The following FCAR variants were observed in gnomAD, a reference collection of about 807,000 sequenced individuals.
FCAR encodes Fc alpha receptor, also known as immunoglobulin alpha Fc receptor.
Under a neutral mutation model 27.1 loss-of-function variants are expected in FCAR, and 21 were observed. That is an observed-to-expected ratio of 0.77 (90% CI 0.55 to 1.11). FCAR has a LOEUF of 1.11. Among genes scored for constraint, FCAR ranks in the 50% most tolerant of loss-of-function variants. The pLI is 0.00. For missense variants in FCAR, 404 were observed against 358.4 expected, an observed-to-expected ratio of 1.13 and a Z score of -1.03; for synonymous variants, 134 against 135.8, an observed-to-expected ratio of 0.99 and a Z score of 0.09.
chr19:54,876,088 G>A (rs964782800), intron 2 of FCAR, among the ~76,000 whole-genome samples: 1 of 152,100 alleles, frequency 6.6e-6, no homozygotes, highest in Non-Finnish European at 1.5e-5. Flanking sequence ...TATTCTTTTT[G>A]CAGTAATTGT....
At chr19:54,878,224 G>A (rs2066209324) in intron 2 of FCAR, among the ~76,000 whole-genome samples, 1 of 152,106 alleles carries the variant, frequency 6.6e-6, no homozygotes, top group African/African-American at 2.4e-5. Flanking sequence ...GCCTGCTAAG[G>A]ATTGCTGTAT....
At chr19:54,875,398 T>C (rs749131959) in intron 2 of FCAR, 33 bp downstream of exon 2, 88 of 1,595,360 alleles carry the variant, frequency 5.5e-5, no homozygotes, top group Non-Finnish European at 7.3e-5. Context: ...CCAGCCCCTT[T>C]AGACCCTCTT....
At chr19:54,882,312 G>A (rs1388552640) in intron 2 of FCAR, among the ~76,000 whole-genome samples, 1 of 152,112 alleles carries the variant, frequency 6.6e-6, no homozygotes, top group Non-Finnish European at 1.5e-5. Flanking sequence ...TTCGAAGAGC[G>A]TCCTGGCCAT....
At chr19:54,884,107 G>A (rs1384409931) in intron 2 of FCAR, among the ~76,000 whole-genome samples, 1 of 152,192 alleles carries the variant, frequency 6.6e-6, no homozygotes, top group Non-Finnish European at 1.5e-5. Context: ...TCACCATCTG[G>A]GTGCTTTCCA....
At chr19:54,876,223 G>C (rs1206412769) in intron 2 of FCAR, among the ~76,000 whole-genome samples, 1 of 152,194 alleles carries the variant, frequency 6.6e-6, no homozygotes, top group African/African-American at 2.4e-5. Flanking sequence ...AGATTAAGAA[G>C]TGTTTGGGCA....
chr19:54,881,085 G>T (rs1450884079), intron 2 of FCAR, among the ~76,000 whole-genome samples: 1 of 152,222 alleles, frequency 6.6e-6, no homozygotes, highest in Non-Finnish European at 1.5e-5. Context: ...GGGCAGCAGG[G>T]GAAGGGACCT....
At chr19:54,884,973 A>T (rs1018636579) in intron 2 of FCAR, among the ~76,000 whole-genome samples, 2 of 151,744 alleles carry the variant, frequency 1.3e-5, no homozygotes, top group Non-Finnish European at 2.9e-5. Flanking sequence ...CGTCCTGCTA[A>T]TTTTTTGTAT....
In FCAR at chr19:54,888,014, T is replaced by C; in HGVS notation, c.369T>C (p.Tyr123=). ...DTLELVVTGL[Y]GKPFLSADRG... is the part of the protein sequence containing the mutation. ...CACTCTTTTCTCTCTTAGGCTTGTA[T>C]GGCAAACCCTTCCTCTCTGCAGATC... Residue 123 remains tyrosine, a synonymous_variant, in exon 4 of 5, where the codon TAT becomes TAC. Coordinates refer to ENST00000355524, the MANE Select transcript of FCAR (RefSeq NM_002000.4). 6.2e-7 allele frequency: 1 copy of C among 1,611,710 alleles called. No individual in the cohort carries two copies. Among genetic ancestry groups the C allele is most frequent in the Non-Finnish European group, 8.5e-7 (1 of 1,178,230 alleles).
intron 2 of FCAR, among the ~76,000 whole-genome samples, chr19:54,883,557 T>C (rs1250127199): frequency 6.6e-6 from 1 of 152,116 alleles, no homozygotes; most frequent in East Asian, 1.9e-4. Context: ...CTGAACGTTC[T>C]GAGAATGAGG....
chr19:54,885,352 TA>T lies in FCAR; in HGVS notation c.194del (p.Asn65ThrfsTer7). On this transcript the variant is annotated frameshift_variant, in exon 3 of 5. Transcript: ENST00000355524. LOFTEE classifies it high-confidence loss of function. ...REAYLTQLMI[I>X]KNSTYREIGR... Reference sequence around the variant, plus strand: ...GCTTACCTGACCCAGCTGATGATCATAAAAAACTCCACGTACCGAGAGATAG... The same window carrying T: ...GCTTACCTGACCCAGCTGATGATCATAAAAACTCCACGTACCGAGAGATAG... 1 of 1,614,002 alleles carries T rather than the reference TA, an allele frequency of 6.2e-7. No homozygotes were observed. Among genetic ancestry groups the T allele is most frequent in the Non-Finnish European group, 8.5e-7 (1 of 1,179,990 alleles).
intron 2 of FCAR, among the ~76,000 whole-genome samples, chr19:54,883,872 G>A (rs902145722): frequency 6.6e-6 from 1 of 152,144 alleles, no homozygotes; most frequent in Non-Finnish European, 1.5e-5. Context: ...CAGAAGAATG[G>A]TGTGAACCCG....
chr19:54,884,219 A>T (rs1463328888), intron 2 of FCAR, among the ~76,000 whole-genome samples: 1 of 152,184 alleles, frequency 6.6e-6, no homozygotes, highest in Non-Finnish European at 1.5e-5. Flanking sequence ...AGGTGGAGCC[A>T]TCTCACTGCT....
chr19:54,878,751 A>ATTTTTTT (rs57738807), intron 2 of FCAR, among the ~76,000 whole-genome samples: 2 of 121,646 alleles, frequency 1.6e-5, no homozygotes, highest in African/African-American at 6.2e-5. Flanking sequence ...CAGCTCCTGC[A>ATTTTTTT]TTTTTTTTTT....
Sources: gnomAD v4.1 joint callset for allele counts (sites outside exome capture counted in the v4.1 genomes callset) on GRCh38, gnomAD v4.1.1 for gene constraint, MANE v1.5 for transcripts, NCBI Gene and HGNC (gene_info 2026-07-23, HGNC 2026-07-21) for gene names.